The following HS2ST1 variants were observed in gnomAD, a reference collection of about 807,000 sequenced individuals.
HS2ST1 encodes the protein heparan sulfate 2-O-sulfotransferase 1.
HS2ST1 carries 18 observed loss-of-function variants against 42.9 expected under a neutral mutation model. The observed-to-expected ratio is 0.42, with a 90% CI of 0.29 to 0.62. The LOEUF is 0.62. HS2ST1 is among the 20% of genes least tolerant of loss of function. The pLI is 0.21. For synonymous variants in HS2ST1, 146 were observed against 152.9 expected, an observed-to-expected ratio of 0.95 and a Z score of 0.33; for missense variants, 334 against 433.8, an observed-to-expected ratio of 0.77 and a Z score of 2.04.
intron 2 of HS2ST1, among the ~76,000 whole-genome samples, chr1:87,078,055 GA>G (rs1651592167): frequency 6.6e-6 from 1 of 152,174 alleles, no homozygotes; most frequent in African/African-American, 2.4e-5. Context: ...AGCCATACAA[GA>G]AATGTTTAAG....
At chr1:86,949,004 CT>C (rs1171746293) in intron 1 of HS2ST1, among the ~76,000 whole-genome samples, 2 of 152,128 alleles carry the variant, frequency 1.3e-5, no homozygotes, top group Non-Finnish European at 1.5e-5. Flanking sequence ...ATAGTTACTA[CT>C]TCTTTTACCG....
intron 1 of HS2ST1, among the ~76,000 whole-genome samples, chr1:86,991,240 G>A (rs1648944322): frequency 6.6e-6 from 1 of 152,032 alleles, no homozygotes; most frequent in African/African-American, 2.4e-5. Context: ...GACTTTAGAC[G>A]AATTTAACAG....
intron 1 of HS2ST1, among the ~76,000 whole-genome samples, chr1:86,955,465 C>A (rs1170767323): frequency 1.3e-5 from 2 of 152,080 alleles, no homozygotes; most frequent in African/African-American, 4.8e-5. Context: ...CCCGCCCACC[C>A]CCTGTGGAAA....
intron 1 of HS2ST1, among the ~76,000 whole-genome samples, chr1:86,976,999 A>T (rs920877156): frequency 6.6e-6 from 1 of 151,786 alleles, no homozygotes; most frequent in Non-Finnish European, 1.5e-5. Flanking sequence ...TACATGAGCT[A>T]TGTTCACACC....
chr1:86,964,083 C>T (rs145045277), intron 1 of HS2ST1, among the ~76,000 whole-genome samples: 3,591 of 149,460 alleles, frequency 0.024, 44 homozygotes, highest in South Asian at 0.054. Flanking sequence ...CACGGGGTGG[C>T]GGGGCAGAGG....
intron 1 of HS2ST1, among the ~76,000 whole-genome samples, chr1:87,056,489 A>G (rs1650973476): frequency 6.6e-6 from 1 of 152,216 alleles, no homozygotes; most frequent in Non-Finnish European, 1.5e-5. Context: ...AGAATGATCA[A>G]CACACAAACT....
chr1:86,987,453 G>C (rs1221567280), intron 1 of HS2ST1, among the ~76,000 whole-genome samples: 2 of 152,088 alleles, frequency 1.3e-5, no homozygotes, highest in Non-Finnish European at 2.9e-5. Flanking sequence ...AGAATTGTTA[G>C]GAGGGCTAAA....
chr1:87,009,312 A>G (rs1469577469), intron 1 of HS2ST1, among the ~76,000 whole-genome samples: 1 of 152,210 alleles, frequency 6.6e-6, no homozygotes, highest in Non-Finnish European at 1.5e-5. Context: ...TTTGGAAAGA[A>G]GTAGGAAAGG....
chr1:86,936,116 C>T (rs1251373414), intron 1 of HS2ST1, among the ~76,000 whole-genome samples: 1 of 151,754 alleles, frequency 6.6e-6, no homozygotes, highest in Non-Finnish European at 1.5e-5. Flanking sequence ...TCCTTCCCTG[C>T]CTTCTGAAGA....
At position 86,949,050 on chromosome 1, in the gene HS2ST1, T is replaced by A. The variant is rs149915214; in HGVS notation, c.124+33890T>A. ...TTTAAAAAGCTGATTAAGTTTCTGTTACATGTATTTGCATTTAGGTAGGAA... is the reference window on the plus strand; with the variant it reads ...TTTAAAAAGCTGATTAAGTTTCTGTAACATGTATTTGCATTTAGGTAGGAA... On this transcript the variant is annotated intron_variant, in intron 1 of 6. Transcript: ENST00000370550. 3.0e-3 allele frequency among the ~76,000 whole-genome samples: 452 copies of A among 152,330 alleles called. 2 individuals carry two copies. Among genetic ancestry groups the A allele is most frequent in the Non-Finnish European group, 4.8e-3 (324 of 68,040 alleles).
chr1:87,023,465 T>TAAAA (rs386367573), intron 1 of HS2ST1, among the ~76,000 whole-genome samples: 2 of 146,536 alleles, frequency 1.4e-5, no homozygotes, highest in African/African-American at 2.5e-5. Context: ...CAAGATATGT[T>TAAAA]AAAAAAAAAA....
rs542636261 is a variant in HS2ST1 at position 87,024,271 on chromosome 1, G to A, written c.125-48663G>A. On this transcript the variant is annotated intron_variant, in intron 1 of 6. Transcript: ENST00000370550. ...AATCCCAGGCACTTTGGGAGGCCAA[G>A]GCAGGCAGATCATGAGGTCAGGAGT... Among the ~76,000 whole-genome samples, 180 of 152,206 alleles carry A rather than the reference G, an allele frequency of 1.2e-3. 1 individual carries two copies. The highest frequency in any genetic ancestry group is 4.1e-3 in the African/African-American group (169 of 41,524).
At chr1:87,092,499 G>T (rs2100650223) in intron 3 of HS2ST1, 32 bp from the exon 4 acceptor site, 1 of 1,505,382 alleles carries the variant, frequency 6.6e-7, no homozygotes, top group South Asian at 1.3e-5. Flanking sequence ...TGAAAATGTT[G>T]ATTTCACCTT....
Position 87,005,772 on chromosome 1 carries a change from T to C in HS2ST1, c.125-67162T>C, listed in dbSNP as rs377313426. Among the ~76,000 whole-genome samples the C allele has an allele frequency of 9.8e-5, 15 of 152,310 alleles. No individual in the cohort carries two copies. In the East Asian group the frequency reaches 2.9e-3, roughly 29 times the overall value. On this transcript the variant is annotated intron_variant, in intron 1 of 6. Transcript: ENST00000370550. ...CCAATCCTTGTTCTCCTCAGTCATA[T>C]TACCAAAATTTGGTGTACTTTGAAG...
Position 87,073,117 on chromosome 1 carries a change from A to G in HS2ST1, c.308A>G (p.His103Arg), listed in dbSNP as rs753711482. The change falls in exon 2 of 7, where the codon CAT becomes CGT. Residue 103 changes from histidine to arginine, a missense_variant. Coordinates refer to ENST00000370550, the MANE Select transcript of HS2ST1 (RefSeq NM_012262.4). The stretch of plus-strand genomic sequence containing the variant: ...GACCTGTGTGCAAAGAATAAATACC[A>G]TGTCCTTCATATCAACACTACCAAA... ...AYDLCAKNKY[H>R]VLHINTTKNN... is the part of the protein sequence containing the mutation. 16 of 1,614,012 alleles carry G rather than the reference A, an allele frequency of 9.9e-6. No homozygotes were observed. Among genetic ancestry groups the G allele is most frequent in the Non-Finnish European group, 1.2e-5 (14 of 1,179,874 alleles).
intron 4 of HS2ST1, among the ~76,000 whole-genome samples, chr1:87,095,749 T>A (rs1436434263): frequency 6.6e-6 from 1 of 152,128 alleles, no homozygotes; most frequent in South Asian, 2.1e-4. Context: ...TGTTTTGTTT[T>A]GGGTTATATC....
At chr1:87,042,388 G>A (rs755082187) in intron 1 of HS2ST1, among the ~76,000 whole-genome samples, 2 of 151,862 alleles carry the variant, frequency 1.3e-5, no homozygotes, top group African/African-American at 2.4e-5. Context: ...CCAACAAATC[G>A]TTGCCAAGAC....
At chr1:87,078,441 C>G (rs1651601155) in intron 2 of HS2ST1, among the ~76,000 whole-genome samples, 1 of 152,186 alleles carries the variant, frequency 6.6e-6, no homozygotes, top group South Asian at 2.1e-4. Context: ...CAACAAAAAT[C>G]ACGGTTTACA....
At chr1:86,958,695 C>G (rs1647741622) in intron 1 of HS2ST1, among the ~76,000 whole-genome samples, 1 of 152,122 alleles carries the variant, frequency 6.6e-6, no homozygotes, top group Non-Finnish European at 1.5e-5. Context: ...ACAGTCTCTT[C>G]CAGAAAATAG....
Sources: gnomAD v4.1 joint callset for allele counts (sites outside exome capture counted in the v4.1 genomes callset) on GRCh38, gnomAD v4.1.1 for gene constraint, MANE v1.5 for transcripts, NCBI Gene and HGNC (gene_info 2026-07-23, HGNC 2026-07-21) for gene names.